MAP4K4: variants seen among roughly 807,000 people sequenced by gnomAD.
The protein encoded by MAP4K4 is HPK/GCK-like kinase HGK.
Under a neutral mutation model 189.6 loss-of-function variants are expected in MAP4K4, and 38 were observed. That is an observed-to-expected ratio of 0.20 (90% confidence interval 0.15 to 0.26). The LOEUF (loss-of-function observed/expected upper bound fraction) is 0.26, where lower values mean the gene tolerates loss of function less well. MAP4K4 is among the 10% of genes least tolerant of loss of function. MAP4K4 has a pLI of 1.00. For missense variants in MAP4K4, 1,054 were observed against 1,726.9 expected (o/e 0.61, Z 6.91); for synonymous variants, 610 against 624.3 (o/e 0.98, Z 0.34).
chr2:101,877,065 A>G (rs1577251601), exon 27 of MAP4K4: 2 of 1,613,954 alleles, frequency 1.2e-6, no homozygotes, highest in Non-Finnish European at 1.7e-6. Flanking sequence ...TGGCCAAGGG[A>G]AGGTCTATCC....
chr2:101,800,255 G>A (rs1020752524), intron 3 of MAP4K4, among the ~76,000 whole-genome samples: 1 of 152,040 alleles, frequency 6.6e-6, no homozygotes, highest in African/African-American at 2.4e-5. Flanking sequence ...TCAGCTTCCC[G>A]AGTAACTGGG....
intron 2 of MAP4K4, among the ~76,000 whole-genome samples, chr2:101,773,689 A>G (rs957530448): frequency 6.6e-6 from 1 of 152,096 alleles, no homozygotes; most frequent in Non-Finnish European, 1.5e-5. Context: ...GGTCTTATTT[A>G]TTCTTTCTAA....
At chr2:101,891,374 A>T (rs1334355618) in exon 33 of MAP4K4, 2 of 728,656 alleles carry the variant, frequency 2.7e-6, no homozygotes, top group African/African-American at 1.8e-5. Context: ...TGCAGACCTC[A>T]TGTGTTGGGT....
intron 25 of MAP4K4, 85 bp downstream of exon 25, chr2:101,873,849 T>G (rs1341054871): frequency 2.0e-6 from 2 of 1,017,828 alleles, no homozygotes; most frequent in Non-Finnish European, 3.0e-6. Context: ...GTGTAGCTGG[T>G]TGTTCACAGG....
At chr2:101,833,197 A>T (rs1220369427) in intron 7 of MAP4K4, among the ~76,000 whole-genome samples, 2 of 152,222 alleles carry the variant, frequency 1.3e-5, no homozygotes, top group Non-Finnish European at 2.9e-5. Context: ...GTAAGTGTAG[A>T]TTATTTAGAA....
chr2:101,885,388 A>C, intron 29 of MAP4K4, 101 bp downstream of exon 29: 1 of 668,656 alleles, frequency 1.5e-6, no homozygotes, highest in South Asian at 2.0e-5. Flanking sequence ...AATTGCTAAT[A>C]TAAAAGCTAT....
chr2:101,806,036 C>T (rs1178840119), intron 3 of MAP4K4, among the ~76,000 whole-genome samples: 1 of 152,134 alleles, frequency 6.6e-6, no homozygotes, highest in African/African-American at 2.4e-5. Flanking sequence ...CCAAGCAAGC[C>T]TGCGTTCTTG....
chr2:101,784,320 C>T (rs2089534129), intron 2 of MAP4K4, among the ~76,000 whole-genome samples: 1 of 151,360 alleles, frequency 6.6e-6, no homozygotes, highest in South Asian at 2.1e-4. Context: ...TTTTAAACAC[C>T]TCTTTAAATT....
intron 3 of MAP4K4, among the ~76,000 whole-genome samples, chr2:101,791,105 A>G (rs1399006030): frequency 6.6e-6 from 1 of 152,202 alleles, no homozygotes; most frequent in African/African-American, 2.4e-5. Flanking sequence ...CATGGAGGTC[A>G]CATGAATAGG....
At chr2:101,867,990 A>T (rs1402089723) in intron 20 of MAP4K4, 39 bp from the exon 21 acceptor site, 3 of 1,612,300 alleles carry the variant, frequency 1.9e-6, no homozygotes, top group Non-Finnish European at 2.5e-6. Context: ...CTCATCAACG[A>T]TGGCTTCTCG....
rs2097640672 is a variant in MAP4K4 at position 101,861,045 on chromosome 2, C to CCTG, written c.1866+59_1866+60insCTG. 4.1e-6 allele frequency: 6 copies of CCTG among 1,456,478 alleles called. No homozygotes were observed. The East Asian group carries it at 1.2e-4, about 30-fold the overall frequency. The allele number at this position is 1,456,478 out of a possible 1,614,324, so 90.2% of individuals were successfully genotyped here. On this transcript the variant is annotated intron_variant, in intron 16 of 32. Transcript: ENST00000324219. ...ACTCATGCAACGGCTCGCTGAGCCG[C>CCTG]AGGCCTGCTGTAATATCACAGTTTA...
At chr2:101,753,624 A>T (rs1315550292) in intron 2 of MAP4K4, among the ~76,000 whole-genome samples, 1 of 151,922 alleles carries the variant, frequency 6.6e-6, no homozygotes, top group Non-Finnish European at 1.5e-5. Flanking sequence ...TTAGCATTTT[A>T]TGAATTACCT....
chr2:101,704,552 TATATATATATATA>T (rs2040965791), intron 2 of MAP4K4, among the ~76,000 whole-genome samples: 1 of 77,614 alleles, frequency 1.3e-5, no homozygotes, highest in East Asian at 3.4e-4. Context: ...TATATATATA[TATATATATATATA>T]TATTTTTTTT....
chr2:101,867,783 G>T, intron 20 of MAP4K4: 1 of 481,638 alleles, frequency 2.1e-6, no homozygotes, highest in Non-Finnish European at 3.7e-6. Flanking sequence ...CCTACCTTCT[G>T]CTTTTTGGTA....
intron 17 of MAP4K4, among the ~76,000 whole-genome samples, 168 bp from the exon 18 acceptor site, chr2:101,864,762 C>T (rs1044740422): frequency 1.3e-5 from 2 of 152,062 alleles, no homozygotes; most frequent in Admixed American, 1.3e-4. Flanking sequence ...ATTTTCTCTC[C>T]GATTGTATCA....
chr2:101,865,524 A>G (rs540935141), intron 18 of MAP4K4, among the ~76,000 whole-genome samples: 226 of 152,352 alleles, frequency 1.5e-3, no homozygotes, highest in Non-Finnish European at 2.5e-3. Context: ...AAGCTTCCTT[A>G]TATTTAAATT....
intron 2 of MAP4K4, among the ~76,000 whole-genome samples, chr2:101,784,305 T>C (rs1470484887): frequency 1.3e-5 from 2 of 151,976 alleles, no homozygotes; most frequent in African/African-American, 4.8e-5. Context: ...TGTGTGTGTG[T>C]GTGTTTTTAA....
chr2:101,861,017 G>A, intron 16 of MAP4K4, 31 bp downstream of exon 16: 1 of 1,565,508 alleles, frequency 6.4e-7, no homozygotes, highest in Non-Finnish European at 8.6e-7. Flanking sequence ...TGTGGTTGAG[G>A]AGACTCATGC....
chr2:101,870,168 T>A, intron 22 of MAP4K4, 127 bp from the exon 23 acceptor site: 1 of 977,612 alleles, frequency 1.0e-6, no homozygotes, highest in Non-Finnish European at 1.5e-6. Context: ...AGCAGTTGCT[T>A]TTTTGGAGGA....
Sources: gnomAD v4.1 joint callset for allele counts (sites outside exome capture counted in the v4.1 genomes callset) on GRCh38, gnomAD v4.1.1 for gene constraint, MANE v1.5 for transcripts, NCBI Gene and HGNC (gene_info 2026-07-23, HGNC 2026-07-21) for gene names.